The following GALNT18 variants were observed in gnomAD, a reference collection of about 807,000 sequenced individuals.
GALNT18 encodes the protein polypeptide N-acetylgalactosaminyltransferase 18, also known as GalNAc-transferase 18.
GALNT18 carries 44 observed loss-of-function variants against 69.5 expected under a neutral mutation model. That is an observed-to-expected ratio of 0.63 (90% CI 0.50 to 0.81). GALNT18 has a LOEUF of 0.81. GALNT18 is among the 40% of genes least tolerant of loss of function. GALNT18 has a pLI of 0.00. For synonymous variants in GALNT18, 364 were observed against 318.2 expected (o/e 1.14, Z -1.53); for missense variants, 715 against 810.0 (o/e 0.88, Z 1.42).
chr11:11,457,643 G>A (rs953152177), intron 1 of GALNT18, among the ~76,000 whole-genome samples: 9 of 152,210 alleles, frequency 5.9e-5, no homozygotes, highest in Admixed American at 5.9e-4. Flanking sequence ...CTGGCCCGCT[G>A]CCCAAGCTAG....
Position 11,470,295 on chromosome 11 carries a change from T to C in GALNT18, c.236-21359A>G, listed in dbSNP as rs1028583448. On this transcript the variant is annotated intron_variant, in intron 1 of 10. Coordinates refer to ENST00000227756, the MANE Select transcript of GALNT18 (RefSeq NM_198516.3). The surrounding 1 kb of genome is among the most constrained non-coding windows in gnomAD (Gnocchi z 4.8). ...GTTAAGACCCAGGCACCAAGGGACA[T>C]CCACATTCTGTCTCTACATAGTCCT... Among the ~76,000 whole-genome samples, 1 of 152,198 alleles carries C rather than the reference T, an allele frequency of 6.6e-6. No individual in the cohort carries two copies. Among genetic ancestry groups the C allele is most frequent in the African/African-American group, 2.4e-5 (1 of 41,446 alleles).
chr11:11,541,521 T>C lies in GALNT18; in HGVS notation c.235+79838A>G, dbSNP rs1299184827. 3.3e-5 allele frequency among the ~76,000 whole-genome samples: 5 copies of C among 152,170 alleles called. No individual in the cohort carries two copies. The highest frequency in any genetic ancestry group is 7.4e-5 in the Non-Finnish European group (5 of 68,026). On this transcript the variant is annotated intron_variant, in intron 1 of 10. Transcript: ENST00000227756. This position sits in a 1 kb window ranked among gnomAD's most constrained non-coding sequence, Gnocchi z 4.8. The stretch of plus-strand genomic sequence containing the variant: ...CATGCCACTTTCTACTTAAAATTCT[T>C]CCATGGCTCTCCAAGGCTTGCAGGA...
chr11:11,354,889 G>A (rs1850495158), intron 6 of GALNT18, among the ~76,000 whole-genome samples: 1 of 152,132 alleles, frequency 6.6e-6, no homozygotes, highest in Non-Finnish European at 1.5e-5. Flanking sequence ...GCCGAAGCCT[G>A]TAACCTGTAA....
At chr11:11,460,337 G>T (rs1374042738) in intron 1 of GALNT18, among the ~76,000 whole-genome samples, 2 of 152,108 alleles carry the variant, frequency 1.3e-5, no homozygotes, top group Non-Finnish European at 2.9e-5. Context: ...CACTCACAGG[G>T]TTATAGTGAG....
chr11:11,490,171 G>A (rs892063807), intron 1 of GALNT18, among the ~76,000 whole-genome samples: 9 of 150,076 alleles, frequency 6.0e-5, no homozygotes, highest in African/African-American at 2.0e-4. Flanking sequence ...CTTATAAAAG[G>A]GCAAGTTTGG....
At chr11:11,578,742 A>G (rs908796974) in intron 1 of GALNT18, among the ~76,000 whole-genome samples, 3 of 152,254 alleles carry the variant, frequency 2.0e-5, no homozygotes, top group Non-Finnish European at 4.4e-5. Context: ...ATCCCCTTGC[A>G]GGCTGCTGCC....
At chr11:11,280,477 C>T (rs1590001740) in intron 10 of GALNT18, among the ~76,000 whole-genome samples, 1 of 152,078 alleles carries the variant, frequency 6.6e-6, no homozygotes, top group East Asian at 1.9e-4. Flanking sequence ...GGAGCATGCT[C>T]CTTCCACTGC....
chr11:11,568,894 A>C (rs1176308861), intron 1 of GALNT18, among the ~76,000 whole-genome samples: 2 of 152,236 alleles, frequency 1.3e-5, no homozygotes, highest in Admixed American at 1.3e-4. Flanking sequence ...TGCTTCTGCC[A>C]GATGGGCTCT....
Position 11,584,746 on chromosome 11 carries a change from C to T in GALNT18, c.235+36613G>A, listed in dbSNP as rs573400321. 2.6e-5 allele frequency among the ~76,000 whole-genome samples: 4 copies of T among 152,170 alleles called. No individual in the cohort carries two copies. Among genetic ancestry groups the T allele is most frequent in the East Asian group, 1.9e-4 (1 of 5,196 alleles). On this transcript the variant is annotated intron_variant, in intron 1 of 10. Transcript: ENST00000227756. This position sits in a 1 kb window ranked among gnomAD's most constrained non-coding sequence, Gnocchi z 4.1. Reference sequence around the variant, plus strand: ...TCTCAAGAGAAAGAGCTTATACAATCGAGGTGGACAATGAACTACGTACTT... The same window carrying T: ...TCTCAAGAGAAAGAGCTTATACAATTGAGGTGGACAATGAACTACGTACTT...
intron 6 of GALNT18, among the ~76,000 whole-genome samples, chr11:11,355,821 CAGAGA>C (rs1301223008): frequency 2.6e-5 from 4 of 152,124 alleles, no homozygotes. Context: ...TTCAGTGCTC[CAGAGA>C]CCAGAGCCCT....
intron 10 of GALNT18, among the ~76,000 whole-genome samples, chr11:11,285,079 C>T (rs1404352627): frequency 2.0e-5 from 3 of 152,076 alleles, no homozygotes; most frequent in East Asian, 1.9e-4. Context: ...ATGGAGACAG[C>T]AGGATGGCTG....
chr11:11,276,250 C>A (rs953893637), intron 10 of GALNT18, among the ~76,000 whole-genome samples: 2 of 152,158 alleles, frequency 1.3e-5, no homozygotes, highest in African/African-American at 4.8e-5. Flanking sequence ...TCCTTCACAT[C>A]CCTTGTAAGT....
chr11:11,577,625 A>C (rs1858957496), intron 1 of GALNT18, among the ~76,000 whole-genome samples: 1 of 152,150 alleles, frequency 6.6e-6, no homozygotes, highest in South Asian at 2.1e-4. Context: ...GCTTTTGAAG[A>C]AGCACAGAAT....
intron 1 of GALNT18, among the ~76,000 whole-genome samples, chr11:11,553,743 A>G (rs1176317998): frequency 6.6e-6 from 1 of 151,988 alleles, no homozygotes; most frequent in Non-Finnish European, 1.5e-5. Flanking sequence ...TGCCCCCGGG[A>G]GCCCTTCCAA....
rs955671116 is a variant in GALNT18 at position 11,461,853 on chromosome 11, A to G, written c.236-12917T>C. Among the ~76,000 whole-genome samples the G allele has an allele frequency of 3.3e-5, 5 of 152,246 alleles. No individual in the cohort carries two copies. The highest frequency in any genetic ancestry group is 1.5e-5 in the Non-Finnish European group (1 of 68,040). ...CCATGACTCCTTTCAAGGCTCTGCT[A>G]CAAGAGTCCTTGCTTTGGGAAACCT... On this transcript the variant is annotated intron_variant, in intron 1 of 10. Transcript: ENST00000227756. The surrounding 1 kb of genome is among the most constrained non-coding windows in gnomAD (Gnocchi z 4.1).
At position 11,294,397 on chromosome 11, in the gene GALNT18, A is replaced by C. The variant is rs560646839; in HGVS notation, c.1513-1204T>G. On this transcript the variant is annotated intron_variant, in intron 9 of 10. Coordinates refer to ENST00000227756, the MANE Select transcript of GALNT18 (RefSeq NM_198516.3). The stretch of plus-strand genomic sequence containing the variant: ...CAGAAGGAAAGTGGGTGGTAAACCT[A>C]GGCTGTTTTGTTTGTATAATCAGAT... 1.4e-4 allele frequency among the ~76,000 whole-genome samples: 22 copies of C among 152,276 alleles called. No individual in the cohort carries two copies. In the East Asian group the frequency reaches 4.3e-3, roughly 29 times the overall value.
chr11:11,290,668 C>G (rs1356694562), intron 10 of GALNT18, among the ~76,000 whole-genome samples: 2 of 152,150 alleles, frequency 1.3e-5, no homozygotes, highest in African/African-American at 4.8e-5. Context: ...AACATTCATT[C>G]CCAATTAAGT....
At chr11:11,420,217 A>G (rs1482867169) in intron 3 of GALNT18, among the ~76,000 whole-genome samples, 1 of 152,078 alleles carries the variant, frequency 6.6e-6, no homozygotes, top group East Asian at 1.9e-4. Flanking sequence ...GCTATGCAGC[A>G]CAGGGGAGCC....
At chr11:11,405,979 C>T (rs776366050) in intron 3 of GALNT18, among the ~76,000 whole-genome samples, 7 of 152,186 alleles carry the variant, frequency 4.6e-5, no homozygotes, top group Non-Finnish European at 1.0e-4. Context: ...GGCAGTCCTG[C>T]TGGACCAGAA....
Sources: gnomAD v4.1 joint callset for allele counts (sites outside exome capture counted in the v4.1 genomes callset) on GRCh38, gnomAD v4.1.1 for gene constraint, Gnocchi (gnomAD v3.1) non-coding constraint, MANE v1.5 for transcripts, NCBI Gene and HGNC (gene_info 2026-07-23, HGNC 2026-07-21) for gene names.